Variants in GRID2 observed in about 807,000 individuals in gnomAD.
GRID2 encodes glutamate ionotropic receptor delta type subunit 2.
A neutral mutation model predicts 114.8 loss-of-function variants in GRID2; 33 were observed. The observed-to-expected ratio is 0.29, with a 90% CI of 0.22 to 0.38. GRID2 has a LOEUF of 0.38. Among genes scored for constraint, GRID2 ranks in the 10% least tolerant of loss-of-function variants. GRID2 has a pLI of 1.00. For missense variants in GRID2, 1,184 were observed against 1,257.7 expected (o/e 0.94, Z 0.89); for synonymous variants, 505 against 449.9 (o/e 1.12, Z -1.55).
At chr4:93,767,530 A>G (rs1733767410) in intron 14 of GRID2, among the ~76,000 whole-genome samples, 2 of 152,172 alleles carry the variant, frequency 1.3e-5, no homozygotes, top group South Asian at 2.1e-4. Flanking sequence ...AGGTTTCAGA[A>G]CAGTCTCAGT....
chr4:92,652,953 T>TAC (rs1732036564), intron 2 of GRID2, among the ~76,000 whole-genome samples: 2 of 127,952 alleles, frequency 1.6e-5, no homozygotes, highest in African/African-American at 5.5e-5. Flanking sequence ...TATTTATAAA[T>TAC]ATATATAAAC....
At chr4:93,589,148 G>A (rs571925247) in intron 13 of GRID2, among the ~76,000 whole-genome samples, 3 of 151,332 alleles carry the variant, frequency 2.0e-5, no homozygotes, top group Non-Finnish European at 2.9e-5. Context: ...TGTGCTGCAC[G>A]CACTAACTCG....
intron 13 of GRID2, among the ~76,000 whole-genome samples, chr4:93,539,184 C>T (rs924644946): frequency 6.6e-6 from 1 of 151,868 alleles, no homozygotes; most frequent in African/African-American, 2.4e-5. Flanking sequence ...TTCTGTCCTT[C>T]TCTTGCTTCT....
chr4:92,737,129 C>T (rs559013748), intron 2 of GRID2, among the ~76,000 whole-genome samples: 35 of 152,152 alleles, frequency 2.3e-4, no homozygotes, highest in Admixed American at 1.2e-3. Context: ...GCAGCTTCCA[C>T]GTGACTATTG....
intron 12 of GRID2, among the ~76,000 whole-genome samples, chr4:93,504,799 G>GA (rs539966768): frequency 3.2e-4 from 47 of 146,762 alleles, no homozygotes; most frequent in African/African-American, 6.2e-4. Flanking sequence ...AAATACAAGA[G>GA]AAAAAAAAAT....
chr4:92,678,921 G>C (rs1487290094), intron 2 of GRID2, among the ~76,000 whole-genome samples: 1 of 150,026 alleles, frequency 6.7e-6, no homozygotes, highest in South Asian at 2.1e-4. Flanking sequence ...CATAAAATGA[G>C]TAACTTGTAG....
intron 2 of GRID2, among the ~76,000 whole-genome samples, chr4:92,678,765 G>C (rs530405160): frequency 6.6e-6 from 1 of 151,686 alleles, no homozygotes; most frequent in Admixed American, 6.6e-5. Context: ...GCTATGTATC[G>C]GATACTCTCC....
intron 1 of GRID2, among the ~76,000 whole-genome samples, chr4:92,346,122 C>T (rs563971545): frequency 6.6e-6 from 1 of 152,254 alleles, no homozygotes; most frequent in South Asian, 2.1e-4. Context: ...CATGTCAGCT[C>T]CTCACTGGTT....
rs977173260 is a variant in GRID2 at position 92,897,738 on chromosome 4, G to A, written c.245-187257G>A. 2.6e-5 allele frequency among the ~76,000 whole-genome samples: 4 copies of A among 151,816 alleles called. No individual in the cohort carries two copies. In the South Asian group the frequency reaches 8.3e-4, roughly 31 times the overall value. On this transcript the variant is annotated intron_variant, in intron 2 of 15. Coordinates refer to ENST00000282020, the MANE Select transcript of GRID2 (RefSeq NM_001510.4). ...CTTGGAAATATTGCTGGAACACAAC[G>A]AAAAAAGGAAATGAAATGAAACCTC...
At chr4:93,663,246 C>T (rs1452215412) in intron 14 of GRID2, among the ~76,000 whole-genome samples, 1 of 152,226 alleles carries the variant, frequency 6.6e-6, no homozygotes. Context: ...TCATGTCCCA[C>T]AGCAGAACAT....
At chr4:93,630,200 T>C (rs1418874688) in intron 14 of GRID2, among the ~76,000 whole-genome samples, 1 of 152,178 alleles carries the variant, frequency 6.6e-6, no homozygotes, top group Non-Finnish European at 1.5e-5. Context: ...GTCTTTTTTT[T>C]TGGTCATCAG....
chr4:93,787,335 C>G (rs1213827820), intron 1 of GRID2, among the ~76,000 whole-genome samples: 4 of 151,830 alleles, frequency 2.6e-5, no homozygotes, highest in Non-Finnish European at 5.9e-5. Context: ...GAAATACAGG[C>G]TGAATAAGGC....
chr4:92,486,165 TA>T (rs982087528), intron 1 of GRID2, among the ~76,000 whole-genome samples: 2 of 150,762 alleles, frequency 1.3e-5, no homozygotes, highest in African/African-American at 4.8e-5. Flanking sequence ...ATAAATAAAA[TA>T]AAAAAATATA....
At chr4:92,568,318 G>C (rs1394150249) in intron 1 of GRID2, among the ~76,000 whole-genome samples, 1 of 152,000 alleles carries the variant, frequency 6.6e-6, no homozygotes, top group African/African-American at 2.4e-5. Context: ...AATAAGCCCT[G>C]GGAGGATTTT....
At chr4:92,993,388 T>A (rs1024119900) in intron 2 of GRID2, among the ~76,000 whole-genome samples, 8 of 152,110 alleles carry the variant, frequency 5.3e-5, no homozygotes, top group Non-Finnish European at 2.9e-5. Flanking sequence ...TTATGTGTGC[T>A]TGTCCCTACT....
At chr4:92,702,210 A>T (rs1204642032) in intron 2 of GRID2, 1 of 152,178 alleles carries the variant, frequency 6.6e-6, no homozygotes, top group Non-Finnish European at 1.5e-5. Context: ...CTCGCCCTAT[A>T]GATGATATTA....
intron 1 of GRID2, among the ~76,000 whole-genome samples, chr4:92,474,812 A>C (rs1049685822): frequency 2.6e-5 from 4 of 151,898 alleles, no homozygotes; most frequent in Admixed American, 2.6e-4. Flanking sequence ...CTTTGGAGAA[A>C]TATCAATTTA....
At chr4:93,410,663 A>G (rs1486677616) in intron 9 of GRID2, among the ~76,000 whole-genome samples, 1 of 152,224 alleles carries the variant, frequency 6.6e-6, no homozygotes, top group Non-Finnish European at 1.5e-5. Flanking sequence ...GGCTCACTGC[A>G]ACCTCCATCT....
In GRID2 at chr4:92,949,156, G is replaced by A. The variant is rs199991603; in HGVS notation, c.245-135839G>A. Among the ~76,000 whole-genome samples, 8 of 151,730 alleles carry A rather than the reference G, an allele frequency of 5.3e-5. No homozygotes were observed. The East Asian group carries it at 1.6e-3, about 29-fold the overall frequency. On this transcript the variant is annotated intron_variant, in intron 2 of 15. Coordinates refer to ENST00000282020, the MANE Select transcript of GRID2 (RefSeq NM_001510.4). ...AATGTGTGTGTGTGTGTGTGTCTGT[G>A]TGTGTGTGTGAGAGAGAGAGAGAAG...
Sources: gnomAD v4.1 joint callset for allele counts (sites outside exome capture counted in the v4.1 genomes callset) on GRCh38, gnomAD v4.1.1 for gene constraint, MANE v1.5 for transcripts, NCBI Gene and HGNC (gene_info 2026-07-23, HGNC 2026-07-21) for gene names.